The following RORA variants were observed in gnomAD, a reference collection of about 807,000 sequenced individuals.
RORA encodes nuclear receptor ROR-alpha.
RORA carries 7 observed loss-of-function variants against 69.5 expected under a neutral mutation model. The observed-to-expected ratio is 0.10, with a 90% CI of 0.06 to 0.19. RORA has a LOEUF of 0.19. RORA is among the 10% of genes least tolerant of loss of function. The pLI is 1.00. For missense variants in RORA, 457 were observed against 663.0 expected (o/e 0.69, Z 3.41); for synonymous variants, 261 against 240.8 (o/e 1.08, Z -0.78).
At chr15:60,823,104 TTCTCTTTC>T (rs2072914138) in intron 1 of RORA, among the ~76,000 whole-genome samples, 2 of 44,078 alleles carry the variant, frequency 4.5e-5, no homozygotes, top group South Asian at 2.2e-3. Flanking sequence ...TCCTTCATTC[TTCTCTTTC>T]TCTCTCTCTC....
intron 2 of RORA, among the ~76,000 whole-genome samples, chr15:60,642,141 C>G (rs1295027278): frequency 6.6e-6 from 1 of 152,040 alleles, no homozygotes; most frequent in Non-Finnish European, 1.5e-5. Context: ...CCACTGTGCT[C>G]TGTGCACGTG....
At chr15:60,556,606 T>C (rs2067366811) in intron 2 of RORA, among the ~76,000 whole-genome samples, 1 of 152,248 alleles carries the variant, frequency 6.6e-6, no homozygotes, top group Admixed American at 6.5e-5. Flanking sequence ...TGTCACTGAC[T>C]GGGGAATGTG....
At position 61,019,250 on chromosome 15, in the gene RORA, A is replaced by G. The variant is rs28673194; in HGVS notation, c.166+209803T>C. Among the ~76,000 whole-genome samples, 825 of 152,260 alleles carry G rather than the reference A, an allele frequency of 5.4e-3. 7 individuals are homozygous for G. Among genetic ancestry groups the G allele is most frequent in the African/African-American group, 0.019 (778 of 41,544 alleles). On this transcript the variant is annotated intron_variant, in intron 1 of 10. Transcript: ENST00000335670. Reference sequence around the variant, plus strand: ...TGGCATCACTCGCCCCAAATTTCTAACATTGTCATGATAACCCCATTTGTT... The same window carrying G: ...TGGCATCACTCGCCCCAAATTTCTAGCATTGTCATGATAACCCCATTTGTT...
chr15:61,213,362 A>G lies in RORA; in HGVS notation c.166+15691T>C, dbSNP rs191008465. Reference sequence around the variant, plus strand: ...TCCTTGTCTCCCTCCCTAACTCCACATAAGTATATTTAAGTACCTTACCAA... The same window carrying G: ...TCCTTGTCTCCCTCCCTAACTCCACGTAAGTATATTTAAGTACCTTACCAA... On this transcript the variant is annotated intron_variant, in intron 1 of 10. Coordinates refer to ENST00000335670, the MANE Select transcript of RORA (RefSeq NM_134261.3). This position sits in a 1 kb window ranked among gnomAD's most constrained non-coding sequence, Gnocchi z 4.1. Among the ~76,000 whole-genome samples, 32 of 152,272 alleles carry G rather than the reference A, an allele frequency of 2.1e-4. No homozygotes were observed. Among genetic ancestry groups the G allele is most frequent in the Admixed American group, 2.1e-3 (32 of 15,286 alleles).
At chr15:60,876,702 G>T (rs1280843835) in intron 1 of RORA, among the ~76,000 whole-genome samples, 1 of 151,946 alleles carries the variant, frequency 6.6e-6, no homozygotes. Context: ...TAGTGTTTAT[G>T]CTTCAATCAT....
chr15:60,938,885 C>A (rs530081109), intron 1 of RORA, among the ~76,000 whole-genome samples: 1 of 152,282 alleles, frequency 6.6e-6, no homozygotes, highest in Admixed American at 6.5e-5. Flanking sequence ...GTGTAAACTC[C>A]GAGTAATATC....
intron 1 of RORA, among the ~76,000 whole-genome samples, chr15:60,739,406 A>T (rs986901930): frequency 7.2e-5 from 11 of 152,020 alleles, no homozygotes; most frequent in Non-Finnish European, 1.5e-4. Context: ...TCCCATCTCT[A>T]CAAGAAAACA....
intron 1 of RORA, among the ~76,000 whole-genome samples, chr15:61,190,102 C>T (rs559896752): frequency 1.3e-4 from 20 of 152,122 alleles, no homozygotes; most frequent in African/African-American, 4.8e-4. Context: ...GTTCCTCAAA[C>T]TCCAAAAGCC....
chr15:60,891,871 C>T (rs1380969304), intron 1 of RORA, among the ~76,000 whole-genome samples: 1 of 152,162 alleles, frequency 6.6e-6, no homozygotes, highest in Non-Finnish European at 1.5e-5. Flanking sequence ...TTATGGTCAC[C>T]ACCTCCTGGA....
chr15:60,787,416 C>T (rs1361608049), intron 1 of RORA, among the ~76,000 whole-genome samples: 6 of 152,228 alleles, frequency 3.9e-5, no homozygotes, highest in South Asian at 2.1e-4. Flanking sequence ...CCTGCAACTG[C>T]GGTCAAGGTG....
chr15:60,747,812 G>A (rs2071669202), intron 1 of RORA, among the ~76,000 whole-genome samples: 2 of 152,136 alleles, frequency 1.3e-5, no homozygotes, highest in Admixed American at 1.3e-4. Flanking sequence ...AACCTTTCTT[G>A]TTTCTACGCC....
intron 2 of RORA, among the ~76,000 whole-genome samples, chr15:60,604,823 G>A (rs1225681223): frequency 6.6e-6 from 1 of 152,140 alleles, no homozygotes; most frequent in Non-Finnish European, 1.5e-5. Flanking sequence ...CTGTACAACT[G>A]AAAAACTAAC....
At chr15:61,045,873 C>A (rs541655084) in intron 1 of RORA, among the ~76,000 whole-genome samples, 3 of 152,336 alleles carry the variant, frequency 2.0e-5, no homozygotes, top group Admixed American at 6.5e-5. Context: ...CCCCTTAAAT[C>A]AGAAGCAAAT....
At chr15:60,837,801 A>G (rs191523297) in intron 1 of RORA, among the ~76,000 whole-genome samples, 5 of 148,998 alleles carry the variant, frequency 3.4e-5, no homozygotes, top group East Asian at 3.9e-4. Context: ...AGGTTGCCAG[A>G]AAAAAAAAAC....
At chr15:61,100,096 A>G (rs2078855160) in intron 1 of RORA, among the ~76,000 whole-genome samples, 1 of 151,068 alleles carries the variant, frequency 6.6e-6, no homozygotes, top group African/African-American at 2.4e-5. Context: ...ACATCTGGGA[A>G]TGAATGGTCA....
At chr15:61,144,034 T>C (rs1164762207) in intron 1 of RORA, among the ~76,000 whole-genome samples, 1 of 152,210 alleles carries the variant, frequency 6.6e-6, no homozygotes, top group Middle Eastern at 3.2e-3. Context: ...AAAAGGCTAA[T>C]TTCTCCTAAA....
chr15:60,996,371 C>A (rs1012876294), intron 1 of RORA, among the ~76,000 whole-genome samples: 10 of 152,140 alleles, frequency 6.6e-5, no homozygotes, highest in Non-Finnish European at 1.2e-4. Flanking sequence ...CACGCCCAGC[C>A]CTACATCTTG....
chr15:61,127,804 T>C (rs1307365549), intron 1 of RORA, among the ~76,000 whole-genome samples: 1 of 152,150 alleles, frequency 6.6e-6, no homozygotes, highest in Non-Finnish European at 1.5e-5. Context: ...CCAGCACAAC[T>C]CCATTCACCC....
chr15:60,966,426 T>C (rs1247242221), intron 1 of RORA, among the ~76,000 whole-genome samples: 1 of 152,234 alleles, frequency 6.6e-6, no homozygotes, highest in African/African-American at 2.4e-5. Context: ...ATTCCACCAA[T>C]GTGATTCATT....
Sources: allele counts gnomAD v4.1 joint callset (sites outside exome capture counted in the v4.1 genomes callset), GRCh38; gene constraint gnomAD v4.1.1; non-coding constraint Gnocchi (gnomAD v3.1); transcripts MANE v1.5; gene names NCBI Gene and HGNC (gene_info 2026-07-23, HGNC 2026-07-21).